Variants in DCAF6 observed in about 807,000 individuals in gnomAD.
DCAF6 encodes DDB1 and CUL4 associated factor 6, also known as DDB1- and CUL4-associated factor 6.
Under a neutral mutation model 125.1 loss-of-function variants are expected in DCAF6, and 54 were observed. That is an observed-to-expected ratio of 0.43 (90% CI 0.35 to 0.54). DCAF6 has a LOEUF of 0.54. DCAF6 is among the 20% of genes least tolerant of loss of function. The pLI, the probability that DCAF6 is intolerant of heterozygous loss-of-function variation, is 0.01. For missense variants in DCAF6, 934 were observed against 1,161.7 expected (o/e 0.80, Z 2.85); for synonymous variants, 371 against 390.4 (o/e 0.95, Z 0.58).
At chr1:167,937,236 C>T in intron 1 of DCAF6, 1 of 588,254 alleles carries the variant, frequency 1.7e-6, no homozygotes, top group Non-Finnish European at 3.1e-6. Context: ...CTCGGAGGGC[C>T]GGGCCGTGGG....
At chr1:167,960,313 T>A (rs898095529) in intron 2 of DCAF6, among the ~76,000 whole-genome samples, 27 of 152,116 alleles carry the variant, frequency 1.8e-4, no homozygotes, top group Admixed American at 7.9e-4. Flanking sequence ...TTATTTATTT[T>A]TTTGAGATGG....
At chr1:167,986,545 A>AT (rs1221057423) in intron 4 of DCAF6, among the ~76,000 whole-genome samples, 3 of 152,166 alleles carry the variant, frequency 2.0e-5, no homozygotes, top group Non-Finnish European at 1.5e-5. Context: ...ACAGGAGACA[A>AT]TTTTTCCATG....
chr1:167,938,530 G>C (rs569342819), intron 1 of DCAF6, among the ~76,000 whole-genome samples: 1 of 152,298 alleles, frequency 6.6e-6, no homozygotes, highest in African/African-American at 2.4e-5. Flanking sequence ...TAAGTACCTA[G>C]AGTGGTGATT....
At chr1:168,000,936 A>G (rs1054670391) in intron 7 of DCAF6, among the ~76,000 whole-genome samples, 7 of 152,140 alleles carry the variant, frequency 4.6e-5, no homozygotes, top group Admixed American at 4.6e-4. Flanking sequence ...CTCTTTATGA[A>G]TATACACCAC....
rs536696599 is a variant in DCAF6 at position 168,038,157 on chromosome 1, A to G, written c.1610-214A>G. On this transcript the variant is annotated intron_variant, in intron 12 of 21. Transcript: ENST00000367840. ...ATTTCCATCTGAATCAAAGGGAGTC[A>G]TGTACACAAAGCTAGAACTTGATGT... Among the ~76,000 whole-genome samples, 39 of 152,340 alleles carry G rather than the reference A, an allele frequency of 2.6e-4. No individual in the cohort carries two copies. The Middle Eastern group carries it at 0.017, about 66-fold the overall frequency.
the DCAF6 span, among the ~76,000 whole-genome samples, chr1:167,921,484 A>C: frequency 3.9e-5 from 6 of 152,276 alleles, no homozygotes; most frequent in East Asian, 1.2e-3. Flanking sequence ...AACCTCCCAA[A>C]GTGCTGGGAT....
the DCAF6 span, among the ~76,000 whole-genome samples, chr1:167,912,710 C>T: frequency 2.6e-5 from 4 of 152,202 alleles, no homozygotes; most frequent in South Asian, 6.2e-4. Context: ...CTCTCCGATC[C>T]TTAAAATCAC....
Position 168,002,535 on chromosome 1 carries a change from T to G in DCAF6, c.957T>G (p.Thr319=). Residue 319 remains threonine, a synonymous_variant, in exon 8 of 22, where the codon ACT becomes ACG. Transcript: ENST00000367840. ...RLRLRGDWSD[T]GPRARPESER... is the part of the protein sequence containing the mutation. Reference sequence around the variant, plus strand: ...GACTTCGTGGTGATTGGTCAGATACTGGACCCAGAGCAAGGCCGGAGAGTG... The same window carrying G: ...GACTTCGTGGTGATTGGTCAGATACGGGACCCAGAGCAAGGCCGGAGAGTG... The G allele has an allele frequency of 6.2e-7, 1 of 1,613,094 alleles. No individual in the cohort carries two copies. Among genetic ancestry groups the G allele is most frequent in the South Asian group, 1.1e-5 (1 of 91,052 alleles).
chr1:168,040,718 G>T (rs1239819764), intron 13 of DCAF6, among the ~76,000 whole-genome samples: 2 of 145,162 alleles, frequency 1.4e-5, no homozygotes, highest in Admixed American at 6.9e-5. Context: ...AACTTTTTGG[G>T]CTTTTTTTTT....
chr1:167,912,184 G>C, the DCAF6 span, among the ~76,000 whole-genome samples: 4 of 152,152 alleles, frequency 2.6e-5, no homozygotes, highest in East Asian at 7.7e-4. Context: ...TCTATTGTAG[G>C]AGTTATTAAG....
chr1:167,915,137 A>G, the DCAF6 span, among the ~76,000 whole-genome samples: 1 of 152,208 alleles, frequency 6.6e-6, no homozygotes. Flanking sequence ...CCTCATTAAC[A>G]TTCAACCTTT....
chr1:167,939,634 A>G (rs1308227232), intron 1 of DCAF6, among the ~76,000 whole-genome samples: 2 of 152,102 alleles, frequency 1.3e-5, no homozygotes. Context: ...GTGGTGGCGT[A>G]CGCCTGTAGT....
chr1:167,927,624 T>G, the DCAF6 span, among the ~76,000 whole-genome samples: 1 of 152,230 alleles, frequency 6.6e-6, no homozygotes, highest in South Asian at 2.1e-4. Context: ...GTAAAGCCTC[T>G]AGATTCTGGT....
chr1:168,038,614 G>A, intron 13 of DCAF6, 126 bp downstream of exon 13: 1 of 616,066 alleles, frequency 1.6e-6, no homozygotes, highest in East Asian at 3.3e-5. Flanking sequence ...AAACTTGAGT[G>A]TGCTTCAGAA....
At chr1:168,001,965 A>T (rs553545812) in intron 7 of DCAF6, among the ~76,000 whole-genome samples, 1 of 152,180 alleles carries the variant, frequency 6.6e-6, no homozygotes, top group Admixed American at 6.6e-5. Context: ...GGGCAGCAGG[A>T]TGGAATAGAT....
chr1:168,044,444 AG>A (rs1688910800), intron 14 of DCAF6, 140 bp from the exon 15 acceptor site: 1 of 642,198 alleles, frequency 1.6e-6, no homozygotes, highest in Non-Finnish European at 2.8e-6. Context: ...AGTATAAGGA[AG>A]GGTATGCATA....
chr1:167,931,301 T>C (rs1162739902), upstream of DCAF6, among the ~76,000 whole-genome samples: 1 of 152,202 alleles, frequency 6.6e-6, no homozygotes, highest in Non-Finnish European at 1.5e-5. Flanking sequence ...TTTTATCCAC[T>C]GCTTTATCCT....
chr1:168,011,114 T>A (rs1684220814), intron 10 of DCAF6, among the ~76,000 whole-genome samples: 1 of 142,608 alleles, frequency 7.0e-6, no homozygotes, highest in Non-Finnish European at 1.5e-5. Context: ...CATCAGAATT[T>A]TTTTTTTTTT....
chr1:167,914,196 G>A, the DCAF6 span: 1 of 152,320 alleles, frequency 6.6e-6, no homozygotes, highest in Admixed American at 6.5e-5. Flanking sequence ...CACCGACCAT[G>A]TTTCTGATTG....
Sources: gnomAD v4.1 joint callset for allele counts (sites outside exome capture counted in the v4.1 genomes callset) on GRCh38, gnomAD v4.1.1 for gene constraint, MANE v1.5 for transcripts, NCBI Gene and HGNC (gene_info 2026-07-23, HGNC 2026-07-21) for gene names.